Variants in HRH4 observed in about 807,000 individuals in gnomAD.
HRH4 encodes the protein histamine receptor H4.
A neutral mutation model predicts 10.4 loss-of-function variants in HRH4; 12 were observed. That is an observed-to-expected ratio of 1.15 (90% CI 0.74 to 1.87). HRH4 has a LOEUF of 1.87. HRH4 is among the 40% of genes most tolerant of loss of function. The probability of loss-of-function intolerance (pLI) is 0.00; values close to 1 mark genes in which losing one functional copy is unlikely to be tolerated. For synonymous variants in HRH4, 154 were observed against 166.6 expected (o/e 0.92, Z 0.58); for missense variants, 415 against 453.3 (o/e 0.92, Z 0.77).
At chr18:24,472,386 C>T (rs1326152922) in intron 2 of HRH4, among the ~76,000 whole-genome samples, 1 of 152,038 alleles carries the variant, frequency 6.6e-6, no homozygotes, top group Non-Finnish European at 1.5e-5. Context: ...TCGAGTAATT[C>T]CCCTGGAAAT....
chr18:24,472,807 G>A (rs1910008566), intron 2 of HRH4, among the ~76,000 whole-genome samples: 1 of 152,208 alleles, frequency 6.6e-6, no homozygotes, highest in African/African-American at 2.4e-5. Flanking sequence ...TCAGAGTTGG[G>A]TGGGGAAGGA....
At chr18:24,460,950 T>G in intron 1 of HRH4, 29 bp downstream of exon 1, 1 of 1,358,282 alleles carries the variant, frequency 7.4e-7, no homozygotes, top group Non-Finnish European at 1.0e-6. Context: ...TTTAAGACAG[T>G]CTTTTCCGAT....
At chr18:24,466,027 C>T (rs1256571942) in intron 1 of HRH4, among the ~76,000 whole-genome samples, 1 of 152,064 alleles carries the variant, frequency 6.6e-6, no homozygotes, top group African/African-American at 2.4e-5. Flanking sequence ...GAAGCCACAA[C>T]CGTGGGCTGA....
intron 1 of HRH4, among the ~76,000 whole-genome samples, chr18:24,467,791 G>C (rs1354589276): frequency 6.6e-6 from 1 of 152,186 alleles, no homozygotes; most frequent in Non-Finnish European, 1.5e-5. Flanking sequence ...TGATCCACCT[G>C]CCTCGGCCTC....
chr18:24,472,512 T>C (rs1204265023), intron 2 of HRH4, among the ~76,000 whole-genome samples: 2 of 152,180 alleles, frequency 1.3e-5, no homozygotes, highest in African/African-American at 4.8e-5. Context: ...GCAGGGGTGC[T>C]CAGGCAGACC....
intron 2 of HRH4, among the ~76,000 whole-genome samples, chr18:24,475,389 TAA>T (rs1910108925): frequency 6.6e-6 from 1 of 152,204 alleles, no homozygotes; most frequent in African/African-American, 2.4e-5. Context: ...TTTGAGAGGC[TAA>T]GACAGGAGGA....
intron 1 of HRH4, among the ~76,000 whole-genome samples, chr18:24,461,229 C>T (rs2144362332): frequency 6.6e-6 from 1 of 152,050 alleles, no homozygotes; most frequent in East Asian, 1.9e-4. Context: ...CTATTTTCCT[C>T]ATATGTTTAG....
At chr18:24,461,862 A>G (rs1050827754) in intron 1 of HRH4, among the ~76,000 whole-genome samples, 2 of 151,626 alleles carry the variant, frequency 1.3e-5, no homozygotes, top group South Asian at 2.1e-4. Context: ...ACTGCTAGGT[A>G]TGCAAGCACT....
chr18:24,460,706 G>T lies in HRH4; in HGVS notation c.-23G>T. 1.4e-6 allele frequency: 2 copies of T among 1,458,212 alleles called. No homozygotes were observed. The highest frequency in any genetic ancestry group is 3.0e-5 in the South Asian group (2 of 65,870). 90.3% of individuals were successfully genotyped at this position (1,458,212 alleles called of 1,614,324 possible). A position where few individuals can be genotyped will look rare whatever the true frequency, so the allele number is the denominator to read the frequency against. ...TCTGGCTGGATTAATTTGCTAATTT[G>T]ACCTTCTTCATCATTTGATGTGATG... On this transcript the variant is annotated 5_prime_UTR_variant, in exon 1 of 3. Transcript: ENST00000256906.
At chr18:24,465,289 A>C (rs750513923) in intron 1 of HRH4, among the ~76,000 whole-genome samples, 13 of 151,972 alleles carry the variant, frequency 8.6e-5, no homozygotes, top group Non-Finnish European at 1.6e-4. Context: ...CTGCGTCAAA[A>C]AACAAACAAA....
rs762574759 is a variant in HRH4, at chr18:24,477,491, G to T, written c.1102G>T (p.Ala368Ser). The part of the protein sequence containing the change: ...YPLCHKRFQK[A>S]FLKIFCIKKQ... ...ATTGTGTCACAAGCGCTTTCAAAAGGCTTTCTTGAAAATATTTTGTATAAA... is the reference window on the plus strand; with the variant it reads ...ATTGTGTCACAAGCGCTTTCAAAAGTCTTTCTTGAAAATATTTTGTATAAA... Residue 368 changes from alanine to serine, a missense_variant, in exon 3 of 3, where the codon GCT (alanine) becomes TCT (serine). Ala to Ser is a moderately conservative substitution (Grantham distance 99, BLOSUM62 1). Transcript: ENST00000256906. The T allele has an allele frequency of 6.2e-7, 1 of 1,610,154 alleles. No homozygotes were observed. Among genetic ancestry groups the T allele is most frequent in the Non-Finnish European group, 8.5e-7 (1 of 1,178,390 alleles).
At chr18:24,461,133 G>A (rs534956393) in intron 1 of HRH4, among the ~76,000 whole-genome samples, 1 of 152,196 alleles carries the variant, frequency 6.6e-6, no homozygotes, top group East Asian at 1.9e-4. Flanking sequence ...ATTTTCAGCT[G>A]AAAACAGTTT....
chr18:24,463,416 G>T (rs1282076557), intron 1 of HRH4, among the ~76,000 whole-genome samples: 2 of 152,190 alleles, frequency 1.3e-5, no homozygotes, highest in African/African-American at 4.8e-5. Context: ...CACAGTCCCT[G>T]GGAGCTTTTT....
In HRH4 at chr18:24,478,301, G is replaced by A. The variant is rs1203495554; in HGVS notation, c.*739G>A. 1 of 152,222 alleles carries A rather than the reference G, an allele frequency of 6.6e-6. No homozygotes were observed. Among genetic ancestry groups the A allele is most frequent in the African/African-American group, 2.4e-5 (1 of 41,452 alleles). 9.4% of individuals were successfully genotyped at this position (152,222 alleles called of 1,614,324 possible). ...CTTCCTTTTTTGAGAACATATAGAA[G>A]AAGAAGGCTAAGAGATGGTGAAGAG... On this transcript the variant is annotated 3_prime_UTR_variant, in exon 3 of 3. Transcript: ENST00000256906.
chr18:24,472,095 G>T (rs1909984129), intron 2 of HRH4, among the ~76,000 whole-genome samples: 2 of 152,138 alleles, frequency 1.3e-5, no homozygotes, highest in Non-Finnish European at 2.9e-5. Flanking sequence ...GCCCAGGCTG[G>T]ACTGCAGTGA....
intron 2 of HRH4, among the ~76,000 whole-genome samples, chr18:24,475,169 A>G (rs1910103397): frequency 6.6e-6 from 1 of 152,104 alleles, no homozygotes. Context: ...CACTCATAGA[A>G]TCTCATTTTC....
Position 24,479,210 on chromosome 18 carries a change from A to G in HRH4, c.*1648A>G, listed in dbSNP as rs1455581293. The G allele has an allele frequency of 6.6e-6, 1 of 151,530 alleles. No individual in the cohort carries two copies. Among genetic ancestry groups the G allele is most frequent in the African/African-American group, 2.4e-5 (1 of 41,238 alleles). The allele number at this position is 151,530 out of a possible 1,614,324, so 9.4% of individuals were successfully genotyped here. A position where few individuals can be genotyped will look rare whatever the true frequency, so the allele number is the denominator to read the frequency against. The stretch of plus-strand genomic sequence containing the variant: ...ACTGGTCTCAAACTCCTGGGCTGAA[A>G]CAATCCTCCCGCCTTGGCCTCCCAA... On this transcript the variant is annotated 3_prime_UTR_variant, in exon 3 of 3. Transcript: ENST00000256906.
chr18:24,479,214 T>G lies in HRH4; in HGVS notation c.*1652T>G, dbSNP rs1224027665. 2.6e-5 allele frequency: 4 copies of G among 151,992 alleles called. No homozygotes were observed. Among genetic ancestry groups the G allele is most frequent in the Non-Finnish European group, 4.4e-5 (3 of 68,024 alleles). The allele number at this position is 151,992 out of a possible 1,614,324, so 9.4% of individuals were successfully genotyped here. On this transcript the variant is annotated 3_prime_UTR_variant, in exon 3 of 3. Transcript: ENST00000256906. Reference sequence around the variant, plus strand: ...GTCTCAAACTCCTGGGCTGAAACAATCCTCCCGCCTTGGCCTCCCAAAGTG... The same window carrying G: ...GTCTCAAACTCCTGGGCTGAAACAAGCCTCCCGCCTTGGCCTCCCAAAGTG...
At chr18:24,466,014 T>C (rs1188017009) in intron 1 of HRH4, among the ~76,000 whole-genome samples, 3 of 152,106 alleles carry the variant, frequency 2.0e-5, no homozygotes, top group African/African-American at 7.2e-5. Context: ...GTTGGGAACA[T>C]TGGAAGCCAC....
Sources: gnomAD v4.1 joint callset for allele counts (sites outside exome capture counted in the v4.1 genomes callset) on GRCh38, gnomAD v4.1.1 for gene constraint, MANE v1.5 for transcripts, NCBI Gene and HGNC (gene_info 2026-07-23, HGNC 2026-07-21) for gene names.